REV3L: variants seen among roughly 807,000 people sequenced by gnomAD.
REV3L encodes DNA polymerase zeta catalytic subunit.
REV3L carries 69 observed loss-of-function variants against 299.4 expected under a neutral mutation model. The ratio of observed to expected loss-of-function variants is 0.23; its 90% CI spans 0.19 to 0.28. The LOEUF is 0.28. REV3L is among the 10% of genes least tolerant of loss of function. REV3L has a pLI of 1.00. For missense variants in REV3L, 3,128 were observed against 3,693.8 expected (o/e 0.85, Z 3.97); for synonymous variants, 1,238 against 1,271.4 (o/e 0.97, Z 0.56).
At chr6:111,322,507 A>C (rs988668176) in intron 26 of REV3L, 62 bp downstream of exon 26, 5 of 1,248,158 alleles carry the variant, frequency 4.0e-6, no homozygotes, top group Non-Finnish European at 5.9e-6. Context: ...AAGCCATTTT[A>C]AACACTGAAA....
At chr6:111,468,951 A>C (rs1791853254) in intron 1 of REV3L, among the ~76,000 whole-genome samples, 1 of 152,140 alleles carries the variant, frequency 6.6e-6, no homozygotes, top group South Asian at 2.1e-4. Flanking sequence ...ATTTGAGGTC[A>C]GGAGTTTGAA....
intron 16 of REV3L, chr6:111,360,824 G>A (rs1038292052): frequency 1.3e-5 from 2 of 151,472 alleles, no homozygotes; most frequent in African/African-American, 4.9e-5. Flanking sequence ...GCATGTATAA[G>A]GCATAATAAT....
intron 9 of REV3L, among the ~76,000 whole-genome samples, chr6:111,387,144 G>C (rs1481262433): frequency 6.6e-6 from 1 of 152,134 alleles, no homozygotes; most frequent in Non-Finnish European, 1.5e-5. Flanking sequence ...TATAAAACTT[G>C]AAAGTATTAT....
intron 1 of REV3L, among the ~76,000 whole-genome samples, chr6:111,480,406 C>CCT (rs1166194176): frequency 1.3e-5 from 2 of 152,034 alleles, no homozygotes; most frequent in African/African-American, 4.8e-5. Flanking sequence ...GTCAGACTGG[C>CCT]CTCTCTTTTA....
chr6:111,388,816 C>CT, intron 7 of REV3L, among the ~76,000 whole-genome samples: 1 of 151,992 alleles, frequency 6.6e-6, no homozygotes, highest in Admixed American at 6.6e-5. Flanking sequence ...ATACAGAGGG[C>CT]TAGAACATAC....
At position 111,465,966 on chromosome 6, in the gene REV3L, T is replaced by C. The variant is rs1303006269; in HGVS notation, c.139+16784A>G. Among the ~76,000 whole-genome samples, 3 of 152,162 alleles carry C rather than the reference T, an allele frequency of 2.0e-5. No individual in the cohort carries two copies. The East Asian group carries it at 5.8e-4, about 29-fold the overall frequency. ...ATTGCTAAAAAGATCTCTACAGTGC[T>C]ACTCAAATGCCATCTATGAACTAGC... is the stretch of plus-strand genomic sequence containing the variant. On this transcript the variant is annotated intron_variant, in intron 1 of 31. Coordinates refer to ENST00000368802, the MANE Select transcript of REV3L (RefSeq NM_001372078.1).
At chr6:111,313,809 C>A (rs1773236570) in intron 27 of REV3L, among the ~76,000 whole-genome samples, 1 of 152,192 alleles carries the variant, frequency 6.6e-6, no homozygotes, top group Non-Finnish European at 1.5e-5. Context: ...CTCCTGCTTC[C>A]CCGTATTTCC....
At chr6:111,480,845 T>G (rs1467075325) in intron 1 of REV3L, among the ~76,000 whole-genome samples, 2 of 150,448 alleles carry the variant, frequency 1.3e-5, no homozygotes, top group African/African-American at 2.4e-5. Flanking sequence ...TTTGTTTTTT[T>G]TTTTTTTTTT....
At chr6:111,312,583 G>A (rs562668161) in intron 28 of REV3L, 1 of 152,224 alleles carries the variant, frequency 6.6e-6, no homozygotes, top group South Asian at 2.1e-4. Context: ...TATTTTGATG[G>A]AGTCTCACTC....
At chr6:111,397,230 G>T (rs896111644) in intron 4 of REV3L, among the ~76,000 whole-genome samples, 7 of 150,502 alleles carry the variant, frequency 4.7e-5, no homozygotes, top group African/African-American at 1.2e-4. Flanking sequence ...TCTTTTTTTT[G>T]ATATAGGCAC....
chr6:111,313,595 A>G, intron 27 of REV3L, 106 bp from the exon 28 acceptor site: 1 of 1,147,314 alleles, frequency 8.7e-7, no homozygotes, highest in Non-Finnish European at 1.2e-6. Flanking sequence ...AATTATTTAA[A>G]AAATTCTATA....
intron 31 of REV3L, among the ~76,000 whole-genome samples, chr6:111,303,452 T>C (rs896428675): frequency 9.2e-5 from 14 of 151,764 alleles, no homozygotes; most frequent in Non-Finnish European, 1.9e-4. Context: ...CTGTAACCTC[T>C]GCCTCCCTGG....
At chr6:111,389,727 A>AT (rs10713895) in intron 6 of REV3L, among the ~76,000 whole-genome samples, 1,793 of 81,410 alleles carry the variant, frequency 0.022, 311 homozygotes, top group African/African-American at 0.052. Flanking sequence ...TTGGTCATTA[A>AT]TTTTTTTTTT....
At chr6:111,313,119 G>C in intron 28 of REV3L, 1 of 340,900 alleles carries the variant, frequency 2.9e-6, no homozygotes, top group Non-Finnish European at 5.2e-6. Flanking sequence ...GCCAGGATTG[G>C]ACTACTGCAC....
In REV3L at chr6:111,434,780, GAATC is replaced by G. The variant is rs375985187; in HGVS notation, c.140-18312_140-18309del. ...ACTACAAAGAATAGAAAATATCTAA[GAATC>G]AATCCAACCAAAGAAGTAAAATATC... On this transcript the variant is annotated intron_variant, in intron 1 of 31. Transcript: ENST00000368802. Among the ~76,000 whole-genome samples, 18 of 151,836 alleles carry G rather than the reference GAATC, an allele frequency of 1.2e-4. No homozygotes were observed. The East Asian group carries it at 3.1e-3, about 26-fold the overall frequency.
chr6:111,409,413 T>C (rs966104163), intron 3 of REV3L, among the ~76,000 whole-genome samples: 10 of 151,944 alleles, frequency 6.6e-5, no homozygotes, highest in Admixed American at 5.2e-4. Flanking sequence ...CAATGATTAG[T>C]AGTTGATGTC....
At position 111,474,551 on chromosome 6, in the gene REV3L, G is replaced by C. The variant is rs1399863934; in HGVS notation, c.139+8199C>G. Among the ~76,000 whole-genome samples the C allele has an allele frequency of 2.6e-5, 4 of 152,320 alleles. No individual in the cohort carries two copies. In the South Asian group the frequency reaches 8.3e-4, roughly 32 times the overall value. ...AAAATATCAAAAGGAGCAGTATGCTGCTTTTAACTGTTGGTTGTCACTCAC... is the reference window on the plus strand; with the variant it reads ...AAAATATCAAAAGGAGCAGTATGCTCCTTTTAACTGTTGGTTGTCACTCAC... On this transcript the variant is annotated intron_variant, in intron 1 of 31. Transcript: ENST00000368802.
chr6:111,318,314 G>A (rs1392285708), intron 26 of REV3L, among the ~76,000 whole-genome samples: 1 of 150,496 alleles, frequency 6.6e-6, no homozygotes, highest in African/African-American at 2.4e-5. Context: ...GTCTCCATCT[G>A]CCCGCCTGTA....
intron 1 of REV3L, among the ~76,000 whole-genome samples, chr6:111,428,517 CAA>C (rs1266995491): frequency 6.6e-6 from 1 of 151,350 alleles, no homozygotes; most frequent in Non-Finnish European, 1.5e-5. Flanking sequence ...AGAAATTTAA[CAA>C]GAAGAGTGAA....
Sources: gnomAD v4.1 joint callset for allele counts (sites outside exome capture counted in the v4.1 genomes callset) on GRCh38, gnomAD v4.1.1 for gene constraint, MANE v1.5 for transcripts, NCBI Gene and HGNC (gene_info 2026-07-23, HGNC 2026-07-21) for gene names.